Variants in REPS1 observed in about 807,000 individuals in gnomAD.
REPS1 encodes RALBP1 associated Eps domain containing 1.
A neutral mutation model predicts 100.9 loss-of-function variants in REPS1; 39 were observed. That is an observed-to-expected ratio of 0.39 (90% CI 0.30 to 0.50). The LOEUF (loss-of-function observed/expected upper bound fraction) is 0.50. Among genes scored for constraint, REPS1 ranks in the 20% least tolerant of loss-of-function variants. REPS1 has a pLI of 0.86. For synonymous variants in REPS1, 324 were observed against 340.3 expected (o/e 0.95, Z 0.53); for missense variants, 821 against 968.5 (o/e 0.85, Z 2.02).
At chr6:138,928,236 G>A (rs182845423) in intron 9 of REPS1, 232 of 152,234 alleles carry the variant, frequency 1.5e-3, no homozygotes, top group African/African-American at 5.3e-3. Flanking sequence ...TATATAAAGA[G>A]TTTGTTTTTG....
At chr6:138,929,585 C>T (rs1223624697) in intron 9 of REPS1, 13 of 157,160 alleles carry the variant, frequency 8.3e-5, no homozygotes, top group Non-Finnish European at 1.8e-4. Context: ...CTATTACATA[C>T]CTTGTTTACA....
At chr6:138,950,427 G>C (rs1251038536) in intron 1 of REPS1, among the ~76,000 whole-genome samples, 1 of 152,154 alleles carries the variant, frequency 6.6e-6, no homozygotes, top group East Asian at 1.9e-4. Flanking sequence ...GCTGCAGTAA[G>C]CTATGATGGT....
intron 13 of REPS1, among the ~76,000 whole-genome samples, chr6:138,916,772 T>G (rs1408534421): frequency 6.6e-5 from 10 of 152,172 alleles, no homozygotes. Context: ...CCCTAGAGAT[T>G]CACTTCTTTG....
At chr6:138,911,575 G>A (rs1286377524) in intron 16 of REPS1, among the ~76,000 whole-genome samples, 1 of 152,176 alleles carries the variant, frequency 6.6e-6, no homozygotes, top group African/African-American at 2.4e-5. Context: ...GATGTGTGAG[G>A]GAGAGGAGGA....
chr6:138,907,619 C>CA lies in REPS1; in HGVS notation c.2217-20dup, dbSNP rs762516537. ...AACAGATCTGAGAAGATAAAGAAGG[C>CA]AAAAAAACCCATAACCTTCATTTCT... On this transcript the variant is annotated intron_variant, in intron 18 of 19. Transcript: ENST00000450536. The CA allele has an allele frequency of 1.1e-5, 15 of 1,423,330 alleles. No homozygotes were observed. The highest frequency in any genetic ancestry group is 4.5e-5 in the East Asian group (2 of 43,978). 88.2% of individuals were successfully genotyped at this position (1,423,330 alleles called of 1,614,324 possible).
chr6:138,978,351 C>T (rs1292015291), intron 1 of REPS1, among the ~76,000 whole-genome samples: 1 of 151,162 alleles, frequency 6.6e-6, no homozygotes, highest in Non-Finnish European at 1.5e-5. Context: ...TCCATTGGCG[C>T]AATCTCGGGT....
intron 1 of REPS1, among the ~76,000 whole-genome samples, chr6:138,973,865 G>A (rs1784463786): frequency 6.6e-6 from 1 of 151,996 alleles, no homozygotes; most frequent in Non-Finnish European, 1.5e-5. Flanking sequence ...TGTATATTAA[G>A]GTTAGAGATA....
intron 1 of REPS1, among the ~76,000 whole-genome samples, chr6:138,977,427 G>T (rs1434267679): frequency 6.6e-6 from 1 of 152,136 alleles, no homozygotes; most frequent in Admixed American, 6.5e-5. Flanking sequence ...TCAAACACCT[G>T]GGCTTAAGCT....
At chr6:138,942,327 T>C (rs759593651) in intron 7 of REPS1, among the ~76,000 whole-genome samples, 5 of 152,232 alleles carry the variant, frequency 3.3e-5, no homozygotes, top group Non-Finnish European at 7.3e-5. Flanking sequence ...AGGTGTTATC[T>C]ACCTACCTTG....
At chr6:138,925,709 G>C (rs931311119) in intron 10 of REPS1, among the ~76,000 whole-genome samples, 7 of 151,596 alleles carry the variant, frequency 4.6e-5, no homozygotes, top group Non-Finnish European at 1.0e-4. Context: ...AAGCAGAGAA[G>C]TGAACAGGGA....
At chr6:138,905,537 C>T (rs1288006974) in intron 19 of REPS1, among the ~76,000 whole-genome samples, 4 of 151,170 alleles carry the variant, frequency 2.6e-5, no homozygotes, top group Non-Finnish European at 5.9e-5. Context: ...ATGATCCACC[C>T]GCCTCGGCCT....
intron 10 of REPS1, among the ~76,000 whole-genome samples, chr6:138,925,502 T>C (rs1019487271): frequency 6.6e-6 from 1 of 152,248 alleles, no homozygotes; most frequent in South Asian, 2.1e-4. Flanking sequence ...AAATGCTGGC[T>C]GTCTTTGATC....
chr6:138,957,605 A>T (rs1230734855), intron 1 of REPS1, among the ~76,000 whole-genome samples: 2 of 152,198 alleles, frequency 1.3e-5, no homozygotes, highest in Non-Finnish European at 2.9e-5. Flanking sequence ...AGAGAAAAAA[A>T]GTTGCAGGAT....
At chr6:138,971,939 T>A (rs1481762470) in intron 1 of REPS1, among the ~76,000 whole-genome samples, 1 of 152,198 alleles carries the variant, frequency 6.6e-6, no homozygotes, top group Non-Finnish European at 1.5e-5. Context: ...GCTGCCGATG[T>A]TTTCTAAACA....
At chr6:138,969,116 T>G (rs558624123) in intron 1 of REPS1, among the ~76,000 whole-genome samples, 69 of 152,146 alleles carry the variant, frequency 4.5e-4, no homozygotes, top group Admixed American at 1.4e-3. Context: ...TATAGAAACA[T>G]CTCATCAAAA....
rs1228694171 is a variant in REPS1, at chr6:138,987,564, C to T, written c.119G>A (p.Arg40Gln). The change falls in exon 1 of 20, where the codon CGG (arginine) becomes CAG (glutamine). Residue 40 changes from arginine (R) to glutamine (Q), a missense_variant. By Grantham distance (43) the Arg-to-Gln change is conservative. Coordinates refer to ENST00000450536, the MANE Select transcript of REPS1 (RefSeq NM_001286611.2). ...CACGTCGTTCGGCAGCTGCGCGGCCCGGAACAGCTCCAGCACCCGCCCGTT... is the reference window on the plus strand; with the variant it reads ...CACGTCGTTCGGCAGCTGCGCGGCCTGGAACAGCTCCAGCACCCGCCCGTT... The part of the protein sequence containing the change: ...VVNGRVLELF[R>Q]AAQLPNDVVL... The T allele has an allele frequency of 4.5e-6, 7 of 1,550,358 alleles. No individual in the cohort carries two copies. The highest frequency in any genetic ancestry group is 3.3e-4 in the Middle Eastern group (2 of 6,004).
chr6:138,959,231 G>A (rs533556085), intron 1 of REPS1, among the ~76,000 whole-genome samples: 1 of 152,094 alleles, frequency 6.6e-6, no homozygotes, highest in Non-Finnish European at 1.5e-5. Context: ...CTGTTCCTAT[G>A]CCCAGAATGA....
chr6:138,947,035 G>GCTCTCTCGCTCTCTCTCTCTCTCTCT (rs1782663983), intron 2 of REPS1, among the ~76,000 whole-genome samples: 1 of 137,636 alleles, frequency 7.3e-6, no homozygotes, highest in African/African-American at 2.8e-5. Context: ...ATTCCCCCTT[G>GCTCTCTCGCTCTCTCTCTCTCTCTCT]CTCTCTCTCT....
intron 10 of REPS1, among the ~76,000 whole-genome samples, chr6:138,921,976 A>AGTTGTGTGTGTGTGTGT (rs1780798732): frequency 6.7e-6 from 1 of 148,502 alleles, no homozygotes; most frequent in Non-Finnish European, 1.5e-5. Context: ...CATCTCAAAA[A>AGTTGTGTGTGTGTGTGT]GTGTGTGTGT....
Sources: allele counts gnomAD v4.1 joint callset (sites outside exome capture counted in the v4.1 genomes callset), GRCh38; gene constraint gnomAD v4.1.1; transcripts MANE v1.5; gene names NCBI Gene and HGNC (gene_info 2026-07-23, HGNC 2026-07-21).